Variants in EXOC4 observed in about 807,000 individuals in gnomAD.
EXOC4 encodes the protein SEC8-like 1.
A neutral mutation model predicts 107.2 loss-of-function variants in EXOC4; 71 were observed. The observed-to-expected ratio is 0.66, with a 90% confidence interval of 0.55 to 0.81. EXOC4 has a LOEUF of 0.81. Ranked by LOEUF, EXOC4 falls within the 30% of genes least tolerant of loss-of-function variation. The pLI is 0.00. For missense variants in EXOC4, 1,108 were observed against 1,189.6 expected (o/e 0.93, Z 1.01); for synonymous variants, 456 against 441.2 (o/e 1.03, Z -0.42).
chr7:133,783,620 T>C (rs1239242024), intron 10 of EXOC4, among the ~76,000 whole-genome samples: 7 of 152,230 alleles, frequency 4.6e-5, no homozygotes, highest in Admixed American at 2.0e-4. Context: ...GTGTATTCGG[T>C]GAACTGTGTG....
intron 1 of EXOC4, among the ~76,000 whole-genome samples, chr7:133,274,695 G>A (rs1793947478): frequency 6.6e-6 from 1 of 152,184 alleles, no homozygotes; most frequent in Non-Finnish European, 1.5e-5. Flanking sequence ...GAGTTACCCA[G>A]TCTCTTGAAC....
chr7:133,471,997 G>C (rs960297836), intron 7 of EXOC4, among the ~76,000 whole-genome samples: 4 of 152,176 alleles, frequency 2.6e-5, no homozygotes, highest in African/African-American at 9.7e-5. Context: ...ATTCTTGGAA[G>C]TATTTGTTGG....
chr7:133,617,345 T>C (rs148219756), intron 9 of EXOC4, among the ~76,000 whole-genome samples: 3 of 152,236 alleles, frequency 2.0e-5, no homozygotes, highest in African/African-American at 7.2e-5. Flanking sequence ...AAAGAGAGGG[T>C]TGCGTGAAGA....
At chr7:133,388,490 A>C (rs1337024888) in intron 7 of EXOC4, among the ~76,000 whole-genome samples, 1 of 152,014 alleles carries the variant, frequency 6.6e-6, no homozygotes, top group Non-Finnish European at 1.5e-5. Flanking sequence ...TTTCTACTAA[A>C]AGTACAAAAA....
At chr7:133,827,265 A>G (rs932633919) in intron 11 of EXOC4, among the ~76,000 whole-genome samples, 2 of 152,274 alleles carry the variant, frequency 1.3e-5, no homozygotes, top group South Asian at 4.1e-4. Context: ...CCACTGAGAG[A>G]TGATTTTTTA....
At chr7:133,939,606 C>T (rs1214660469) in intron 14 of EXOC4, among the ~76,000 whole-genome samples, 1 of 152,194 alleles carries the variant, frequency 6.6e-6, no homozygotes, top group African/African-American at 2.4e-5. Context: ...AGGTGGTCCT[C>T]CCATTTCAGC....
At chr7:133,647,709 CA>C (rs1302051790) in intron 10 of EXOC4, among the ~76,000 whole-genome samples, 2 of 151,984 alleles carry the variant, frequency 1.3e-5, no homozygotes, top group African/African-American at 2.4e-5. Flanking sequence ...ATAATCCAGT[CA>C]AACAGTTTAT....
Position 133,955,804 on chromosome 7 carries a change from C to T in EXOC4, c.2206+17735C>T, listed in dbSNP as rs565868570. On this transcript the variant is annotated intron_variant, in intron 14 of 17. Transcript: ENST00000253861. The stretch of plus-strand genomic sequence containing the variant: ...GCCAGAAGGGGCTGGCGTGTCAGCA[C>T]TTCCCTGAGTGCGTGCATACGTGAC... 6.6e-5 allele frequency among the ~76,000 whole-genome samples: 10 copies of T among 152,364 alleles called. No individual in the cohort carries two copies. The South Asian group carries it at 2.1e-3, about 32-fold the overall frequency.
chr7:134,052,247 G>A (rs886521273), intron 17 of EXOC4, among the ~76,000 whole-genome samples: 1 of 152,182 alleles, frequency 6.6e-6, no homozygotes, highest in Admixed American at 6.5e-5. Context: ...AGGGTTTGGG[G>A]TTTGTTTCTT....
At chr7:133,701,382 C>G (rs1283787280) in intron 10 of EXOC4, among the ~76,000 whole-genome samples, 1 of 152,112 alleles carries the variant, frequency 6.6e-6, no homozygotes, top group Non-Finnish European at 1.5e-5. Context: ...AAAATGGAAA[C>G]ATTTGCCTGT....
intron 10 of EXOC4, among the ~76,000 whole-genome samples, chr7:133,678,320 A>C (rs1394217667): frequency 1.3e-5 from 2 of 152,098 alleles, no homozygotes; most frequent in African/African-American, 4.8e-5. Context: ...AATAATTCTC[A>C]ATTTCCCACT....
At chr7:133,386,746 TG>T (rs1422782188) in intron 7 of EXOC4, among the ~76,000 whole-genome samples, 1 of 152,216 alleles carries the variant, frequency 6.6e-6, no homozygotes, top group Non-Finnish European at 1.5e-5. Flanking sequence ...AAACTGTTAT[TG>T]CACCATTTCT....
intron 11 of EXOC4, among the ~76,000 whole-genome samples, chr7:133,856,616 T>C (rs1434215590): frequency 2.1e-4 from 32 of 152,194 alleles, no homozygotes; most frequent in Non-Finnish European, 2.9e-5. Context: ...TTTTATACTA[T>C]GGTACCTCTT....
intron 9 of EXOC4, among the ~76,000 whole-genome samples, chr7:133,547,400 G>C (rs1445396480): frequency 6.6e-6 from 1 of 152,164 alleles, no homozygotes. Context: ...TAACTGATCG[G>C]GATGGTGGTT....
chr7:133,440,044 T>C (rs966513358), intron 7 of EXOC4, among the ~76,000 whole-genome samples: 18 of 152,356 alleles, frequency 1.2e-4, no homozygotes, highest in African/African-American at 4.1e-4. Context: ...AAAATAAATT[T>C]AGTGATTACA....
intron 9 of EXOC4, among the ~76,000 whole-genome samples, chr7:133,562,894 T>C (rs1471180282): frequency 6.6e-6 from 1 of 152,224 alleles, no homozygotes; most frequent in Admixed American, 6.5e-5. Flanking sequence ...GTGGCCAAAC[T>C]GAATACTATC....
chr7:133,757,611 C>T (rs925863786), intron 10 of EXOC4, among the ~76,000 whole-genome samples: 9 of 152,188 alleles, frequency 5.9e-5, no homozygotes, highest in Admixed American at 1.3e-4. Context: ...TTCCATTGTC[C>T]GTGCAAAACC....
At chr7:133,319,838 CTTTTTT>C (rs35274622) in intron 5 of EXOC4, among the ~76,000 whole-genome samples, 17 of 94,634 alleles carry the variant, frequency 1.8e-4, no homozygotes, top group Non-Finnish European at 2.6e-4. Context: ...TGATCGTGTG[CTTTTTT>C]TTTTTTTTTT....
intron 10 of EXOC4, among the ~76,000 whole-genome samples, chr7:133,752,140 A>G (rs1180475037): frequency 6.6e-6 from 1 of 152,178 alleles, no homozygotes; most frequent in Non-Finnish European, 1.5e-5. Flanking sequence ...CAGCCTGGAC[A>G]ACAGAGTGAG....
Sources: gnomAD v4.1 joint callset for allele counts (sites outside exome capture counted in the v4.1 genomes callset) on GRCh38, gnomAD v4.1.1 for gene constraint, MANE v1.5 for transcripts, NCBI Gene and HGNC (gene_info 2026-07-23, HGNC 2026-07-21) for gene names.